AVEN: variants seen among roughly 807,000 people sequenced by gnomAD.
AVEN encodes apoptosis and caspase activation inhibitor.
AVEN carries 41 observed loss-of-function variants against 38.1 expected under a neutral mutation model. That is an observed-to-expected ratio of 1.08 (90% CI 0.84 to 1.40). The LOEUF (loss-of-function observed/expected upper bound fraction) is 1.40. Ranked by LOEUF, AVEN falls within the 40% of genes most tolerant of loss-of-function variation. The pLI is 0.00. For missense variants in AVEN, 605 were observed against 438.8 expected, an observed-to-expected ratio of 1.38 and a Z score of -3.38; for synonymous variants, 206 against 171.8, an observed-to-expected ratio of 1.20 and a Z score of -1.56.
rs144062769 is a variant in AVEN, at chr15:34,027,135, A to T, written c.267+11645T>A. Reference sequence around the variant, plus strand: ...TGCAAAGTAGCCAAAGACTCACAAAAGTCCAAGGAGTGTTTATTTAAAACA... The same window carrying T: ...TGCAAAGTAGCCAAAGACTCACAAATGTCCAAGGAGTGTTTATTTAAAACA... On this transcript the variant is annotated intron_variant, in intron 1 of 5. Transcript: ENST00000306730. Among the ~76,000 whole-genome samples, 499 of 152,282 alleles carry T rather than the reference A, an allele frequency of 3.3e-3. 1 individual carries two copies. The highest frequency in any genetic ancestry group is 0.012 in the African/African-American group (484 of 41,534).
intron 1 of AVEN, among the ~76,000 whole-genome samples, chr15:34,016,855 G>A (rs1016976465): frequency 1.3e-5 from 2 of 152,146 alleles, no homozygotes; most frequent in Non-Finnish European, 2.9e-5. Flanking sequence ...ACACCCACGT[G>A]TGGTGGCACA....
intron 1 of AVEN, among the ~76,000 whole-genome samples, chr15:34,014,979 C>A (rs1285435337): frequency 6.6e-6 from 1 of 152,098 alleles, no homozygotes; most frequent in Non-Finnish European, 1.5e-5. Flanking sequence ...GAAGCAGGGA[C>A]CATCTTTTTA....
chr15:33,971,554 A>G (rs186270871), intron 2 of AVEN, among the ~76,000 whole-genome samples: 5 of 152,196 alleles, frequency 3.3e-5, no homozygotes, highest in Admixed American at 2.0e-4. Context: ...TGTCTGAAAT[A>G]CCAAGCAACA....
At chr15:33,864,317 C>CT (rs1889650639), downstream of AVEN, 1 of 694,886 alleles carries the variant, frequency 1.4e-6, no homozygotes, top group Non-Finnish European at 2.4e-6. Flanking sequence ...TTCCCATCAC[C>CT]TTTTTGTGAC....
At chr15:33,947,949 GTTT>G (rs548548726) in intron 2 of AVEN, among the ~76,000 whole-genome samples, 56 of 152,224 alleles carry the variant, frequency 3.7e-4, no homozygotes, top group African/African-American at 1.3e-3. Flanking sequence ...TGCTTTAAAG[GTTT>G]TTAAGAATGG....
At chr15:33,874,743 A>G (rs1891149362) in intron 3 of AVEN, among the ~76,000 whole-genome samples, 1 of 152,228 alleles carries the variant, frequency 6.6e-6, no homozygotes, top group African/African-American at 2.4e-5. Context: ...TCCATTTAAT[A>G]AAAACATTTA....
chr15:34,034,137 C>A (rs2140774226), intron 1 of AVEN, among the ~76,000 whole-genome samples: 1 of 152,244 alleles, frequency 6.6e-6, no homozygotes, highest in East Asian at 1.9e-4. Context: ...TATCAAATCA[C>A]TCTAGTATTT....
chr15:33,909,581 T>C (rs1280147057), intron 2 of AVEN, among the ~76,000 whole-genome samples: 2 of 152,174 alleles, frequency 1.3e-5, no homozygotes, highest in Non-Finnish European at 2.9e-5. Context: ...CACAATGTTC[T>C]TTGGAATTAG....
chr15:33,955,492 G>A (rs1446077144), intron 2 of AVEN, among the ~76,000 whole-genome samples: 3 of 152,108 alleles, frequency 2.0e-5, no homozygotes, highest in Non-Finnish European at 2.9e-5. Flanking sequence ...GAATTATAAC[G>A]TCCTAGACCA....
intron 2 of AVEN, among the ~76,000 whole-genome samples, chr15:33,894,442 A>G (rs921996363): frequency 2.4e-4 from 37 of 151,350 alleles, no homozygotes; most frequent in African/African-American, 8.8e-4. Context: ...CTGACAGCTA[A>G]TACTAAAAAT....
chr15:33,904,692 A>AT (rs1229795188), intron 2 of AVEN, among the ~76,000 whole-genome samples: 23 of 104,580 alleles, frequency 2.2e-4, no homozygotes, highest in African/African-American at 7.8e-4. Context: ...TAAAAAAAAA[A>AT]AAATATATAT....
At chr15:33,900,592 C>T (rs1892450866) in intron 2 of AVEN, among the ~76,000 whole-genome samples, 1 of 151,064 alleles carries the variant, frequency 6.6e-6, no homozygotes, top group Admixed American at 6.6e-5. Context: ...TAGGTGTGAG[C>T]CACCATGCCT....
In AVEN at chr15:33,963,781, A is replaced by T. The variant is rs1895285551; in HGVS notation, c.445+39251T>A. On this transcript the variant is annotated intron_variant, in intron 2 of 5. Coordinates refer to ENST00000306730, the MANE Select transcript of AVEN (RefSeq NM_020371.3). Reference sequence around the variant, plus strand: ...CACTGCATTCCAGCCTGGGCGACAGAGCGAGACTCTGTCTCAAAAAAAAAA... The same window carrying T: ...CACTGCATTCCAGCCTGGGCGACAGTGCGAGACTCTGTCTCAAAAAAAAAA... 1.5e-5 allele frequency among the ~76,000 whole-genome samples: 2 copies of T among 129,814 alleles called. 1 individual carries two copies. Among genetic ancestry groups the T allele is most frequent in the Admixed American group, 1.7e-4 (2 of 11,480 alleles). The allele number at this position is 129,814 out of a possible 152,430, so 85.2% of individuals were successfully genotyped here.
At chr15:33,891,745 AGTAGTGGGATG>A (rs1891979917) in intron 2 of AVEN, among the ~76,000 whole-genome samples, 1 of 152,232 alleles carries the variant, frequency 6.6e-6, no homozygotes, top group Non-Finnish European at 1.5e-5. Flanking sequence ...GTATATACCC[AGTAGTGGGATG>A]GCTGGGTCAA....
At chr15:33,859,721 C>T (rs1395042861) in intron 11 of AVEN, 1 of 1,608,516 alleles carries the variant, frequency 6.2e-7, no homozygotes, top group Admixed American at 1.7e-5. Flanking sequence ...TCTTGCTGGC[C>T]ATCATTCAAG....
At chr15:34,019,632 T>A (rs1195003937) in intron 1 of AVEN, among the ~76,000 whole-genome samples, 2 of 152,192 alleles carry the variant, frequency 1.3e-5, no homozygotes, top group Admixed American at 6.5e-5. Flanking sequence ...CTATACACAG[T>A]AATTTTACTG....
chr15:33,854,582 G>A (rs2303308), downstream of AVEN: 661,916 of 1,022,182 alleles, frequency 0.65, 223,218 homozygotes, highest in Non-Finnish European at 0.7. Flanking sequence ...ACGTGCTGGG[G>A]GAACACTTAT....
Position 34,069,679 on chromosome 15 carries a change from A to G in AVEN, n.784+909T>C, listed in dbSNP as rs534278729. Among the ~76,000 whole-genome samples, 289 of 152,306 alleles carry G rather than the reference A, an allele frequency of 1.9e-3. 1 individual carries two copies. The highest frequency in any genetic ancestry group is 6.6e-3 in the African/African-American group (275 of 41,564). On this transcript the variant is annotated intron_variant and non_coding_transcript_variant, in intron 2 of 11. Transcript: ENST00000675287. Reference sequence around the variant, plus strand: ...TTAAGTAAAGTTCCAAGATTTGCTTATAATTTTTTTATCTTCAGATTGAAG... The same window carrying G: ...TTAAGTAAAGTTCCAAGATTTGCTTGTAATTTTTTTATCTTCAGATTGAAG...
At position 33,996,036 on chromosome 15, in the gene AVEN, A is replaced by T. The variant is rs1046620122; in HGVS notation, c.445+6996T>A. Among the ~76,000 whole-genome samples the T allele has an allele frequency of 3.3e-5, 5 of 152,348 alleles. No individual in the cohort carries two copies. The East Asian group carries it at 9.7e-4, about 29-fold the overall frequency. ...GGCACACCAGGAGTATATCCCACACATGGCTAGGTGGGTCCCACACCCACA... is the reference window on the plus strand; with the variant it reads ...GGCACACCAGGAGTATATCCCACACTTGGCTAGGTGGGTCCCACACCCACA... On this transcript the variant is annotated intron_variant, in intron 2 of 5. Coordinates refer to ENST00000306730, the MANE Select transcript of AVEN (RefSeq NM_020371.3).
Sources: gnomAD v4.1 joint callset for allele counts (sites outside exome capture counted in the v4.1 genomes callset) on GRCh38, gnomAD v4.1.1 for gene constraint, MANE v1.5 for transcripts, NCBI Gene and HGNC (gene_info 2026-07-23, HGNC 2026-07-21) for gene names.